SPSB1: variants seen among roughly 807,000 people sequenced by gnomAD.
SPSB1 encodes SPRY domain-containing SOCS box protein 1.
Under a neutral mutation model 21.2 loss-of-function variants are expected in SPSB1, and 8 were observed. The ratio of observed to expected loss-of-function variants is 0.38; its 90% CI spans 0.22 to 0.68. SPSB1 has a LOEUF of 0.68. Among genes scored for constraint, SPSB1 ranks in the 30% least tolerant of loss-of-function variants. SPSB1 has a pLI of 0.53. For missense variants in SPSB1, 242 were observed against 377.8 expected (o/e 0.64, Z 2.98); for synonymous variants, 169 against 161.7 (o/e 1.05, Z -0.34).
intron 1 of SPSB1, among the ~76,000 whole-genome samples, chr1:9,311,977 T>C (rs1317182638): frequency 6.6e-6 from 1 of 152,076 alleles, no homozygotes; most frequent in Non-Finnish European, 1.5e-5. Flanking sequence ...CTCATGCAGA[T>C]GACGTTTTTG....
At chr1:9,361,489 C>T (rs571537905) in intron 2 of SPSB1, among the ~76,000 whole-genome samples, 42 of 152,280 alleles carry the variant, frequency 2.8e-4, no homozygotes, top group Admixed American at 2.0e-3. Flanking sequence ...TGTGCCTTCC[C>T]GGGGGTCTCC....
At chr1:9,320,609 G>T (rs985731387) in intron 1 of SPSB1, among the ~76,000 whole-genome samples, 4 of 152,226 alleles carry the variant, frequency 2.6e-5, no homozygotes, top group African/African-American at 9.6e-5. Context: ...CATTTTGCAA[G>T]TATTTGGAGC....
intron 1 of SPSB1, among the ~76,000 whole-genome samples, chr1:9,341,366 C>G (rs1293949983): frequency 6.6e-6 from 1 of 152,234 alleles, no homozygotes; most frequent in African/African-American, 2.4e-5. Context: ...TCCCCTGAAG[C>G]TTGCACTCAT....
In SPSB1 at chr1:9,367,498, C is replaced by T. The variant is rs1438591072; in HGVS notation, c.745C>T (p.Leu249=). ...DLCRRSVRLA[L]GRERLGEIHT... is the part of the protein sequence containing the mutation. ...GTGCCGTCGCTCGGTGCGCCTGGCC[C>T]TGGGGAGGGAGCGCCTGGGGGAGAT... The change falls in exon 3 of 3, where the codon CTG becomes TTG. Residue 249 remains leucine (L), a synonymous_variant. Coordinates refer to ENST00000328089, the MANE Select transcript of SPSB1 (RefSeq NM_025106.4). The surrounding 1 kb of genome is among the most constrained non-coding windows in gnomAD (Gnocchi z 5.9). 6.2e-7 allele frequency: 1 copy of T among 1,612,180 alleles called. No individual in the cohort carries two copies. Among genetic ancestry groups the T allele is most frequent in the Non-Finnish European group, 8.5e-7 (1 of 1,179,404 alleles).
Position 9,293,318 on chromosome 1 carries a change from G to A in SPSB1, c.-150+247G>A, listed in dbSNP as rs1359385702. Among the ~76,000 whole-genome samples the A allele has an allele frequency of 4.0e-5, 6 of 150,084 alleles. No individual in the cohort carries two copies. The highest frequency in any genetic ancestry group is 1.5e-4 in the African/African-American group (6 of 41,044). On this transcript the variant is annotated intron_variant, in intron 1 of 2. Coordinates refer to ENST00000328089, the MANE Select transcript of SPSB1 (RefSeq NM_025106.4). This position sits in a 1 kb window ranked among gnomAD's most constrained non-coding sequence, Gnocchi z 5.1. ...TGGGAGAGGGGCCCAGGCCCGCCCC[G>A]CGCTGCCGCCGCTGCAGGGCAGGGG...
In SPSB1 at chr1:9,313,873, A is replaced by G. The variant is rs190887579; in HGVS notation, c.-150+20802A>G. On this transcript the variant is annotated intron_variant, in intron 1 of 2. Coordinates refer to ENST00000328089, the MANE Select transcript of SPSB1 (RefSeq NM_025106.4). ...GATCTCGAATCTCCTGCTTTTCCCTATAGGAGTGAACAAGACAACTGGCCA... is the reference window on the plus strand; with the variant it reads ...GATCTCGAATCTCCTGCTTTTCCCTGTAGGAGTGAACAAGACAACTGGCCA... 3.7e-4 allele frequency among the ~76,000 whole-genome samples: 56 copies of G among 152,258 alleles called. No homozygotes were observed. In the East Asian group the frequency reaches 8.3e-3, roughly 23 times the overall value.
intron 1 of SPSB1, among the ~76,000 whole-genome samples, chr1:9,326,490 C>T (rs968304128): frequency 3.3e-5 from 5 of 152,210 alleles, no homozygotes; most frequent in Admixed American, 6.5e-5. Context: ...AGGTTCACCT[C>T]GAGACCACCA....
chr1:9,366,065 C>G (rs61039900), intron 2 of SPSB1, among the ~76,000 whole-genome samples: 1 of 152,234 alleles, frequency 6.6e-6, no homozygotes, highest in Non-Finnish European at 1.5e-5. Flanking sequence ...TGAGATGCAG[C>G]TGAATGAACT....
chr1:9,341,654 G>A (rs1188036511), intron 1 of SPSB1, among the ~76,000 whole-genome samples: 2 of 152,130 alleles, frequency 1.3e-5, no homozygotes, highest in African/African-American at 2.4e-5. Context: ...CTAGCAGTTC[G>A]GAGGAAGGCC....
At chr1:9,358,095 T>TCTCCTCCTGGAGAAGGAGGTC (rs1242477497) in intron 2 of SPSB1, among the ~76,000 whole-genome samples, 1 of 152,034 alleles carries the variant, frequency 6.6e-6, no homozygotes, top group Admixed American at 6.5e-5. Context: ...GCCTGCAGCT[T>TCTCCTCCTGGAGAAGGAGGTC]CTCCTCCTGG....
chr1:9,315,276 G>A (rs749044105), intron 1 of SPSB1, among the ~76,000 whole-genome samples: 71 of 152,190 alleles, frequency 4.7e-4, no homozygotes, highest in Non-Finnish European at 6.8e-4. Context: ...AAAAGACCCC[G>A]TACTGGCTCC....
Position 9,356,491 on chromosome 1 carries a change from T to C in SPSB1, c.600T>C (p.Ala200=). 1 of 1,613,814 alleles carries C rather than the reference T, an allele frequency of 6.2e-7. No individual in the cohort carries two copies. The highest frequency in any genetic ancestry group is 2.2e-5 in the East Asian group (1 of 44,884). ...TGGATGGACAGTACATGGGAGTGGC[T>C]TTTCGGGGACTCAAGGGCAAAAAAC... ...FIVDGQYMGV[A]FRGLKGKKLY... The change falls in exon 2 of 3, where the codon GCT becomes GCC. Residue 200 remains alanine (A), a synonymous_variant. Coordinates refer to ENST00000328089, the MANE Select transcript of SPSB1 (RefSeq NM_025106.4). This position sits in a 1 kb window ranked among gnomAD's most constrained non-coding sequence, Gnocchi z 7.4.
Position 9,358,030 on chromosome 1 carries a change from G to A in SPSB1, c.694+1445G>A, listed in dbSNP as rs560388110. 1.3e-4 allele frequency among the ~76,000 whole-genome samples: 20 copies of A among 152,204 alleles called. No individual in the cohort carries two copies. The South Asian group carries it at 3.9e-3, about 30-fold the overall frequency. ...CCAGGCAAGAGGCAGAGGGGGGTGA[G>A]GCCCCCCACCAGAGGTCAGGAATAC... On this transcript the variant is annotated intron_variant, in intron 2 of 2. Transcript: ENST00000328089.
chr1:9,324,939 G>A lies in SPSB1; in HGVS notation c.-149-30804G>A, dbSNP rs896548221. Reference sequence around the variant, plus strand: ...GTGGGGTGGGGGAGCAGGGACACCCGGCCTGGCGGGCTGGTGGATCGGAGG... The same window carrying A: ...GTGGGGTGGGGGAGCAGGGACACCCAGCCTGGCGGGCTGGTGGATCGGAGG... On this transcript the variant is annotated intron_variant, in intron 1 of 2. Coordinates refer to ENST00000328089, the MANE Select transcript of SPSB1 (RefSeq NM_025106.4). The surrounding 1 kb of genome is among the most constrained non-coding windows in gnomAD (Gnocchi z 4.3). Among the ~76,000 whole-genome samples the A allele has an allele frequency of 4.6e-5, 7 of 152,336 alleles. No individual in the cohort carries two copies. The highest frequency in any genetic ancestry group is 8.8e-5 in the Non-Finnish European group (6 of 68,020).
Position 9,339,606 on chromosome 1 carries a change from C to T in SPSB1, c.-149-16137C>T, listed in dbSNP as rs146299335. ...TAAGGACTAGCAGGGCTGGTGTGGC[C>T]ACTGGTGTCTAAGGGACCTTTGGAG... is the stretch of plus-strand genomic sequence containing the variant. On this transcript the variant is annotated intron_variant, in intron 1 of 2. Coordinates refer to ENST00000328089, the MANE Select transcript of SPSB1 (RefSeq NM_025106.4). Among the ~76,000 whole-genome samples the T allele has an allele frequency of 1.6e-3, 248 of 152,236 alleles. 8 individuals carry two copies. The East Asian group carries it at 0.038, about 24-fold the overall frequency.
chr1:9,326,345 C>T (rs1639816333), intron 1 of SPSB1, among the ~76,000 whole-genome samples: 1 of 152,168 alleles, frequency 6.6e-6, no homozygotes, highest in South Asian at 2.1e-4. Context: ...AGGGGCCACT[C>T]AGACTGGGCC....
intron 1 of SPSB1, among the ~76,000 whole-genome samples, chr1:9,347,481 A>T (rs1476935706): frequency 6.6e-6 from 1 of 152,254 alleles, no homozygotes; most frequent in African/African-American, 2.4e-5. Flanking sequence ...AACCATTGTG[A>T]AAGGTTTGAT....
intron 1 of SPSB1, among the ~76,000 whole-genome samples, chr1:9,309,916 C>A (rs1251022937): frequency 1.3e-5 from 2 of 152,064 alleles, no homozygotes; most frequent in East Asian, 3.9e-4. Context: ...TTGGGAGACC[C>A]AATTCAACTT....
chr1:9,354,230 G>C (rs116610624), intron 1 of SPSB1, among the ~76,000 whole-genome samples: 1 of 152,100 alleles, frequency 6.6e-6, no homozygotes, highest in Non-Finnish European at 1.5e-5. Flanking sequence ...CCCCTACCCC[G>C]GGTTCCTTTG....
Sources: allele counts gnomAD v4.1 joint callset (sites outside exome capture counted in the v4.1 genomes callset), GRCh38; gene constraint gnomAD v4.1.1; non-coding constraint Gnocchi (gnomAD v3.1); transcripts MANE v1.5; gene names NCBI Gene and HGNC (gene_info 2026-07-23, HGNC 2026-07-21).